Variants in FSIP2 observed in about 807,000 individuals in gnomAD.
FSIP2 encodes fibrous sheath-interacting protein 2.
FSIP2 carries 367 observed loss-of-function variants against 510.5 expected under a neutral mutation model. The observed-to-expected ratio is 0.72, with a 90% CI of 0.66 to 0.78. The LOEUF is 0.78. Among genes scored for constraint, FSIP2 ranks in the 30% least tolerant of loss-of-function variants. The pLI, the probability that FSIP2 is intolerant of heterozygous loss-of-function variation, is 0.00. For missense variants in FSIP2, 7,594 were observed against 7,901.7 expected (o/e 0.96, Z 1.48); for synonymous variants, 2,601 against 2,732.2 (o/e 0.95, Z 1.50).
In FSIP2 at chr2:185,801,465, T is replaced by A. The variant is rs1008352934; in HGVS notation, c.12159T>A (p.Asp4053Glu). Residue 4053 changes from aspartate to glutamate, a missense_variant, in exon 17 of 23, where the codon GAT (aspartate) becomes GAA (glutamate). Coordinates refer to ENST00000424728, the MANE Select transcript of FSIP2 (RefSeq NM_173651.4). ...VSKIVDSVYY[D>E]VLQQYELKVA... ...AAATTGTTGACTCAGTTTATTATGA[T>A]GTTTTACAGCAGTATGAATTAAAAG... is the stretch of plus-strand genomic sequence containing the variant. 5.2e-6 allele frequency: 8 copies of A among 1,533,932 alleles called. No homozygotes were observed. The highest frequency in any genetic ancestry group is 7.0e-6 in the Non-Finnish European group (8 of 1,145,486).
chr2:185,756,356 T>C (rs1473029749), intron 9 of FSIP2, 78 bp downstream of exon 9: 1 of 503,570 alleles, frequency 2.0e-6, no homozygotes, highest in African/African-American at 1.9e-5. Flanking sequence ...ACAACTTTTT[T>C]CACTTAAGTG....
chr2:185,789,157 T>C lies in FSIP2; in HGVS notation c.2021T>C (p.Leu674Ser). ...TTETDSLGSSLHCDKTAKAMD... is the reference protein window; with the variant it reads ...TTETDSLGSSSHCDKTAKAMD... ...GAAACAGATAGCTTAGGGAGTTCATTGCATTGTGATAAAACAGCAAAAGCC... is the reference window on the plus strand; with the variant it reads ...GAAACAGATAGCTTAGGGAGTTCATCGCATTGTGATAAAACAGCAAAAGCC... The change falls in exon 16 of 23, where the codon TTG becomes TCG. Residue 674 changes from leucine (L) to serine (S), a missense_variant. Transcript: ENST00000424728. The C allele has an allele frequency of 1.3e-6, 2 of 1,535,052 alleles. No individual in the cohort carries two copies. The highest frequency in any genetic ancestry group is 1.7e-6 in the Non-Finnish European group (2 of 1,146,018).
At chr2:185,749,159 T>C (rs1353863165) in intron 7 of FSIP2, among the ~76,000 whole-genome samples, 2 of 152,104 alleles carry the variant, frequency 1.3e-5, no homozygotes, top group East Asian at 1.9e-4. Flanking sequence ...AATTATAGCA[T>C]CAGCTTATTA....
chr2:185,741,347 T>C (rs1451866749), intron 2 of FSIP2, among the ~76,000 whole-genome samples: 3 of 152,184 alleles, frequency 2.0e-5, no homozygotes, highest in Non-Finnish European at 2.9e-5. Flanking sequence ...CTTCATGAGG[T>C]AATGGTTAAT....
chr2:185,762,974 C>G (rs1040614726), intron 11 of FSIP2, among the ~76,000 whole-genome samples: 32 of 151,388 alleles, frequency 2.1e-4, no homozygotes, highest in African/African-American at 7.3e-4. Flanking sequence ...GCAATGGGAA[C>G]CACTGGAAAT....
intron 2 of FSIP2, among the ~76,000 whole-genome samples, chr2:185,740,920 T>A (rs927053718): frequency 1.3e-5 from 2 of 151,510 alleles, no homozygotes; most frequent in Non-Finnish European, 2.9e-5. Context: ...ACACACTAAA[T>A]AAACATGATT....
intron 20 of FSIP2, 137 bp downstream of exon 20, chr2:185,824,617 A>G (rs1693982826): frequency 5.0e-6 from 3 of 603,830 alleles, no homozygotes; most frequent in Non-Finnish European, 8.7e-6. Context: ...ATCCAGTATT[A>G]CCTCATTCAG....
At chr2:185,788,080 G>T (rs1287411400) in intron 15 of FSIP2, 1 of 151,138 alleles carries the variant, frequency 6.6e-6, no homozygotes, top group Non-Finnish European at 1.5e-5. Context: ...ATTAACTTTA[G>T]TCATTCCTAT....
intron 19 of FSIP2, among the ~76,000 whole-genome samples, chr2:185,822,881 A>C (rs761765558): frequency 5.9e-5 from 9 of 151,950 alleles, no homozygotes; most frequent in Non-Finnish European, 1.3e-4. Flanking sequence ...CATGGAATAA[A>C]GAGCCCAGAG....
chr2:185,743,158 A>G lies in FSIP2; in HGVS notation c.251A>G (p.Asn84Ser). Residue 84 changes from asparagine (N) to serine (S), a missense_variant, in exon 3 of 23, where the codon AAC becomes AGC. By Grantham distance (46) the Asn-to-Ser change is conservative (BLOSUM62 1). Transcript: ENST00000424728. ...CTTTTTCGACCTTCTTATGGTTTTA[A>G]CCTGACTGATCCCTATTGTCGACTT... The part of the protein sequence containing the change: ...EKLFRPSYGF[N>S]LTDPYCRLLE... 2 of 1,514,646 alleles carry G rather than the reference A, an allele frequency of 1.3e-6. No homozygotes were observed. Among genetic ancestry groups the G allele is most frequent in the Non-Finnish European group, 1.8e-6 (2 of 1,140,114 alleles). 93.8% of individuals were successfully genotyped at this position (1,514,646 alleles called of 1,614,324 possible).
intron 16 of FSIP2, among the ~76,000 whole-genome samples, chr2:185,798,795 T>G (rs1043137939): frequency 3.3e-5 from 5 of 151,954 alleles, no homozygotes; most frequent in African/African-American, 9.6e-5. Flanking sequence ...CATTGACACT[T>G]GGCTCTAACA....
intron 20 of FSIP2, among the ~76,000 whole-genome samples, chr2:185,826,066 G>A (rs1694008504): frequency 6.6e-6 from 1 of 151,728 alleles, no homozygotes; most frequent in Non-Finnish European, 1.5e-5. Flanking sequence ...TTCTGTACAG[G>A]CTTGTAGCCT....
At chr2:185,762,756 A>C (rs1692382052) in intron 11 of FSIP2, among the ~76,000 whole-genome samples, 2 of 151,236 alleles carry the variant, frequency 1.3e-5, no homozygotes, top group Admixed American at 1.3e-4. Context: ...TCTTCCTCCA[A>C]TTTCATCTTC....
At chr2:185,830,136 C>A (rs1326619633) in intron 21 of FSIP2, among the ~76,000 whole-genome samples, 1 of 151,690 alleles carries the variant, frequency 6.6e-6, no homozygotes, top group Non-Finnish European at 1.5e-5. Flanking sequence ...CAAAAACAAA[C>A]AAACAAACGA....
In FSIP2 at chr2:185,803,229, T is replaced by C. The variant is rs1693482888; in HGVS notation, c.13923T>C (p.Ile4641=). 1.3e-6 allele frequency: 2 copies of C among 1,529,230 alleles called. No homozygotes were observed. Among genetic ancestry groups the C allele is most frequent in the Non-Finnish European group, 1.7e-6 (2 of 1,143,944 alleles). 94.7% of individuals were successfully genotyped at this position (1,529,230 alleles called of 1,614,324 possible). A position where few individuals can be genotyped will look rare whatever the true frequency, so the allele number is the denominator to read the frequency against. The change falls in exon 17 of 23, where the codon ATT becomes ATC. Residue 4641 remains isoleucine (I), a synonymous_variant. Coordinates refer to ENST00000424728, the MANE Select transcript of FSIP2 (RefSeq NM_173651.4). ...LRKIFHRVVG[I]VQTKSIRDSE... ...AAATATTCCACAGGGTAGTAGGCAT[T>C]GTACAAACAAAATCCATAAGAGATT...
In FSIP2 at chr2:185,790,042, A is replaced by G. The variant is rs1693083277; in HGVS notation, c.2906A>G (p.Lys969Arg). Residue 969 changes from lysine to arginine, a missense_variant, in exon 16 of 23, where the codon AAA becomes AGA. By Grantham distance (26) the Lys-to-Arg change is conservative. Coordinates refer to ENST00000424728, the MANE Select transcript of FSIP2 (RefSeq NM_173651.4). ...QPRISSPSDT[K>R]EKYRLTGTRL... ...AGAATAAGTAGTCCTTCTGACACCA[A>G]AGAAAAGTACAGACTCACTGGCACT... 3 of 1,533,642 alleles carry G rather than the reference A, an allele frequency of 2.0e-6. No homozygotes were observed. Among genetic ancestry groups the G allele is most frequent in the Non-Finnish European group, 1.7e-6 (2 of 1,145,388 alleles).
intron 13 of FSIP2, among the ~76,000 whole-genome samples, chr2:185,768,853 G>T (rs569284089): frequency 6.6e-6 from 1 of 152,124 alleles, no homozygotes; most frequent in Non-Finnish European, 1.5e-5. Context: ...TCATCATTTA[G>T]CTCCCACTTA....
intron 7 of FSIP2, among the ~76,000 whole-genome samples, chr2:185,749,732 T>C (rs1450981228): frequency 6.6e-6 from 1 of 151,872 alleles, no homozygotes; most frequent in Admixed American, 6.6e-5. Context: ...GTGGCTCTCT[T>C]TGCTAGTGAT....
In FSIP2 at chr2:185,815,481, A is replaced by G. The variant is rs770791677; in HGVS notation, c.20426+10A>G. ...TCATTTCATCTACTGGGTATATGAA[A>G]TTAAAGCAGTAGAAATATAGAAATC... is the stretch of plus-strand genomic sequence containing the variant. On this transcript the variant is annotated intron_variant, in intron 19 of 22. Coordinates refer to ENST00000424728, the MANE Select transcript of FSIP2 (RefSeq NM_173651.4). The G allele has an allele frequency of 1.7e-6, 2 of 1,204,736 alleles. No homozygotes were observed. The highest frequency in any genetic ancestry group is 2.4e-6 in the Non-Finnish European group (2 of 839,510). The allele number at this position is 1,204,736 out of a possible 1,614,324, so 74.6% of individuals were successfully genotyped here. A position where few individuals can be genotyped will look rare whatever the true frequency, so the allele number is the denominator to read the frequency against.
Sources: allele counts gnomAD v4.1 joint callset (sites outside exome capture counted in the v4.1 genomes callset), GRCh38; gene constraint gnomAD v4.1.1; transcripts MANE v1.5; gene names NCBI Gene and HGNC (gene_info 2026-07-23, HGNC 2026-07-21).